CHD7: variants seen among roughly 807,000 people sequenced by gnomAD.
CHD7 encodes the protein ATP-dependent chromatin remodeler CHD7.
Under a neutral mutation model 307.3 loss-of-function variants are expected in CHD7, and 24 were observed. That is an observed-to-expected ratio of 0.08 (90% CI 0.06 to 0.11). The LOEUF (loss-of-function observed/expected upper bound fraction) is 0.11, where lower values mean the gene tolerates loss of function less well. Among genes scored for constraint, CHD7 ranks in the 10% least tolerant of loss-of-function variants. CHD7 has a pLI of 1.00. For synonymous variants in CHD7, 1,363 were observed against 1,349.9 expected, an observed-to-expected ratio of 1.01 and a Z score of -0.21; for missense variants, 3,106 against 3,727.1, an observed-to-expected ratio of 0.83 and a Z score of 4.34.
At chr8:60,760,973 C>T (rs1211626804) in intron 2 of CHD7, among the ~76,000 whole-genome samples, 7 of 152,084 alleles carry the variant, frequency 4.6e-5, no homozygotes, top group Admixed American at 4.6e-4. Flanking sequence ...ACCATTTGAC[C>T]CAGCCATCCC....
At chr8:60,698,386 A>G (rs926635455) in intron 1 of CHD7, among the ~76,000 whole-genome samples, 1 of 152,116 alleles carries the variant, frequency 6.6e-6, no homozygotes, top group Non-Finnish European at 1.5e-5. Context: ...ATCCTCCTCC[A>G]CCAGCCATAG....
chr8:60,717,209 T>C (rs1807653443), intron 1 of CHD7, among the ~76,000 whole-genome samples: 1 of 152,210 alleles, frequency 6.6e-6, no homozygotes, highest in Non-Finnish European at 1.5e-5. Flanking sequence ...AACATTAGTT[T>C]ACTGTCAAGT....
intron 2 of CHD7, among the ~76,000 whole-genome samples, chr8:60,743,797 C>T (rs1483845393): frequency 6.6e-6 from 1 of 152,128 alleles, no homozygotes; most frequent in Non-Finnish European, 1.5e-5. Context: ...GACATCTTTC[C>T]ATTATAAATT....
At chr8:60,840,218 G>A (rs953782067) in intron 19 of CHD7, among the ~76,000 whole-genome samples, 1 of 152,180 alleles carries the variant, frequency 6.6e-6, no homozygotes, top group African/African-American at 2.4e-5. Flanking sequence ...TGTCCTAGCC[G>A]CTCCAATCTG....
In CHD7 at chr8:60,841,832, C is replaced by T. The variant is rs949803813; in HGVS notation, c.4645-15C>T. ...CTTTGAGAAATGTCAAATGTATCTC[C>T]TCTTTTATTATTAGAACAACCTGGT... On this transcript the variant is annotated splice_polypyrimidine_tract_variant and intron_variant, in intron 20 of 37. Transcript: ENST00000423902. 5.6e-6 allele frequency: 9 copies of T among 1,608,552 alleles called. No homozygotes were observed. Among genetic ancestry groups the T allele is most frequent in the Non-Finnish European group, 7.6e-6 (9 of 1,176,806 alleles).
intron 23 of CHD7, among the ~76,000 whole-genome samples, 195 bp from the exon 24 acceptor site, chr8:60,848,320 G>A (rs777579693): frequency 6.6e-6 from 1 of 152,196 alleles, no homozygotes; most frequent in Non-Finnish European, 1.5e-5. Context: ...TGCCAGGCAG[G>A]CCTGTTGGAA....
At chr8:60,737,740 T>G (rs1432972025) in intron 1 of CHD7, among the ~76,000 whole-genome samples, 1 of 152,244 alleles carries the variant, frequency 6.6e-6, no homozygotes, top group Non-Finnish European at 1.5e-5. Flanking sequence ...TGCTACATAT[T>G]CTCACATTTA....
At chr8:60,831,083 A>G (rs1804495940) in intron 15 of CHD7, among the ~76,000 whole-genome samples, 1 of 152,212 alleles carries the variant, frequency 6.6e-6, no homozygotes, top group African/African-American at 2.4e-5. Flanking sequence ...TTGATAATTT[A>G]TGGCCCTCCT....
At chr8:60,827,140 C>T (rs188112312) in intron 13 of CHD7, among the ~76,000 whole-genome samples, 1 of 151,988 alleles carries the variant, frequency 6.6e-6, no homozygotes, top group East Asian at 1.9e-4. Context: ...AAAGGAGTTC[C>T]TAATGCTAGA....
At chr8:60,787,927 T>C (rs1811578836) in intron 3 of CHD7, among the ~76,000 whole-genome samples, 2 of 151,412 alleles carry the variant, frequency 1.3e-5, no homozygotes, top group Admixed American at 1.3e-4. Context: ...TTCAAGCGAT[T>C]CTACTGCCTC....
At chr8:60,864,078 G>A (rs1048814308) in intron 37 of CHD7, 1 of 151,232 alleles carries the variant, frequency 6.6e-6, no homozygotes, top group African/African-American at 2.4e-5. Context: ...AAAATTAATT[G>A]ATGAATCAAA....
At chr8:60,744,769 C>T (rs936036736) in intron 2 of CHD7, among the ~76,000 whole-genome samples, 2 of 151,176 alleles carry the variant, frequency 1.3e-5, no homozygotes, top group South Asian at 2.1e-4. Flanking sequence ...GCAAGAGAGT[C>T]GCTTGAACCT....
intron 2 of CHD7, among the ~76,000 whole-genome samples, chr8:60,771,376 G>A (rs909702170): frequency 6.6e-6 from 1 of 152,150 alleles, no homozygotes; most frequent in Non-Finnish European, 1.5e-5. Flanking sequence ...TTTGCATTAT[G>A]CTTATTTGTT....
chr8:60,757,033 C>T (rs1313816686), intron 2 of CHD7, among the ~76,000 whole-genome samples: 1 of 152,180 alleles, frequency 6.6e-6, no homozygotes, highest in East Asian at 1.9e-4. Context: ...GATGAATATT[C>T]TATATTGAGT....
At chr8:60,682,079 T>A (rs1318759714) in intron 1 of CHD7, among the ~76,000 whole-genome samples, 2 of 152,234 alleles carry the variant, frequency 1.3e-5, no homozygotes, top group Non-Finnish European at 2.9e-5. Context: ...ATTATTTTCC[T>A]CTTTCAAGGA....
At chr8:60,694,127 C>T (rs899773610) in intron 1 of CHD7, among the ~76,000 whole-genome samples, 1 of 152,268 alleles carries the variant, frequency 6.6e-6, no homozygotes, top group Non-Finnish European at 1.5e-5. Context: ...AGATTGACAT[C>T]TCTAAAGAGC....
At chr8:60,736,921 A>G (rs1032867103) in intron 1 of CHD7, among the ~76,000 whole-genome samples, 1 of 152,230 alleles carries the variant, frequency 6.6e-6, no homozygotes, top group South Asian at 2.1e-4. Flanking sequence ...ATGCCATTCT[A>G]CTTTGAGAAG....
chr8:60,705,628 G>A (rs947897492), intron 1 of CHD7, among the ~76,000 whole-genome samples: 6 of 152,186 alleles, frequency 3.9e-5, no homozygotes, highest in African/African-American at 1.4e-4. Context: ...TTTATGATTA[G>A]ATATCCATAA....
chr8:60,722,840 A>G (rs1807979145), intron 1 of CHD7, among the ~76,000 whole-genome samples: 1 of 152,232 alleles, frequency 6.6e-6, no homozygotes, highest in Non-Finnish European at 1.5e-5. Context: ...TATTAAAAAG[A>G]GAGGAATTTT....
Sources: gnomAD v4.1 joint callset for allele counts (sites outside exome capture counted in the v4.1 genomes callset) on GRCh38, gnomAD v4.1.1 for gene constraint, MANE v1.5 for transcripts, NCBI Gene and HGNC (gene_info 2026-07-23, HGNC 2026-07-21) for gene names.